ATOH8: variants seen among roughly 807,000 people sequenced by gnomAD.
ATOH8 encodes transcription factor ATOH8.
In ATOH8, 9 loss-of-function variants were observed where a neutral mutation model predicts 21.2. The ratio of observed to expected loss-of-function variants is 0.42; its 90% confidence interval spans 0.26 to 0.74. The LOEUF (loss-of-function observed/expected upper bound fraction) is 0.74, where lower values mean the gene tolerates loss of function less well. ATOH8 is among the 30% of genes least tolerant of loss of function. The pLI, the probability that ATOH8 is intolerant of heterozygous loss-of-function variation, is 0.24. For synonymous variants in ATOH8, 253 were observed against 224.0 expected, an observed-to-expected ratio of 1.13 and a Z score of -1.16; for missense variants, 524 against 470.9, an observed-to-expected ratio of 1.11 and a Z score of -1.04.
chr2:85,764,048 TG>T lies in ATOH8; in HGVS notation c.827del (p.Cys276LeufsTer178). ...CAAACTGGCCATCCTGAGGATCGCC[TG>T]TAACTACATCCTGTCCCTGGCGCGG... ...LSKLAILRIACNYILSLARLA... is the reference protein window; with the variant it reads ...LSKLAILRIAXNYILSLARLA... On this transcript the variant is annotated frameshift_variant, in exon 2 of 3. Coordinates refer to ENST00000306279, the MANE Select transcript of ATOH8 (RefSeq NM_032827.7). LOFTEE classifies it high-confidence loss of function. The T allele has an allele frequency of 6.2e-7, 1 of 1,614,204 alleles. No homozygotes were observed.
intron 2 of ATOH8, among the ~76,000 whole-genome samples, chr2:85,776,753 T>TGGCAG (rs1160464257): frequency 6.6e-6 from 1 of 152,022 alleles, no homozygotes; most frequent in Non-Finnish European, 1.5e-5. Context: ...GGACCCTCAG[T>TGGCAG]GGCAGGGCAG....
Position 85,779,822 on chromosome 2 carries a change from C to T in ATOH8, c.961-7063C>T, listed in dbSNP as rs140447758. Among the ~76,000 whole-genome samples the T allele has an allele frequency of 4.6e-3, 700 of 152,310 alleles. 7 individuals carry two copies. The highest frequency in any genetic ancestry group is 0.015 in the African/African-American group (644 of 41,550). On this transcript the variant is annotated intron_variant, in intron 2 of 2. Transcript: ENST00000306279. ...ACAACGCATGCAAACAAGTGTGGCA[C>T]GGTGCCTGGCAAGGAGCCGCCCTCC...
rs1680591029 is a variant in ATOH8, at chr2:85,785,117, C to T, written c.961-1768C>T. ...CTGCCCTGACCGCCTTTACAGCATG[C>T]CCAGGAGGACGGCTCCAGCCAACCC... is the stretch of plus-strand genomic sequence containing the variant. On this transcript the variant is annotated intron_variant, in intron 2 of 2. Coordinates refer to ENST00000306279, the MANE Select transcript of ATOH8 (RefSeq NM_032827.7). This position sits in a 1 kb window ranked among gnomAD's most constrained non-coding sequence, Gnocchi z 4.1. Among the ~76,000 whole-genome samples the T allele has an allele frequency of 6.6e-6, 1 of 152,236 alleles. No individual in the cohort carries two copies. Among genetic ancestry groups the T allele is most frequent in the South Asian group, 2.1e-4 (1 of 4,828 alleles).
chr2:85,758,495 G>T (rs968925411), intron 1 of ATOH8, among the ~76,000 whole-genome samples: 6 of 152,238 alleles, frequency 3.9e-5, no homozygotes, highest in Non-Finnish European at 8.8e-5. Flanking sequence ...CGGAGCTTGG[G>T]TTGGGCTCCC....
chr2:85,756,070 G>A (rs1679684910), intron 1 of ATOH8, among the ~76,000 whole-genome samples: 1 of 151,912 alleles, frequency 6.6e-6, no homozygotes. Flanking sequence ...TGGGGCAGTA[G>A]TGCCTGTGTC....
intron 2 of ATOH8, among the ~76,000 whole-genome samples, chr2:85,776,986 C>T (rs941202706): frequency 1.1e-4 from 17 of 152,130 alleles, no homozygotes; most frequent in African/African-American, 3.9e-4. Flanking sequence ...CCCCTCCACA[C>T]GCACACACAG....
Position 85,754,749 on chromosome 2 carries a change from C to A in ATOH8, c.560C>A (p.Pro187His), listed in dbSNP as rs768401161. Residue 187 changes from proline to histidine, a missense_variant, in exon 1 of 3, where the codon CCC becomes CAC. Transcript: ENST00000306279. Reference sequence around the variant, plus strand: ...GTGCGCCCTGCGCCCCCGACGCGCCCCGGGGAAAGTTCCTACTCGTCAATT... The same window carrying A: ...GTGCGCCCTGCGCCCCCGACGCGCCACGGGGAAAGTTCCTACTCGTCAATT... ...STVRPAPPTR[P>H]GESSYSSISH... 2 of 1,612,830 alleles carry A rather than the reference C, an allele frequency of 1.2e-6. No individual in the cohort carries two copies. The highest frequency in any genetic ancestry group is 1.1e-5 in the South Asian group (1 of 91,086).
chr2:85,754,091 G>C lies in ATOH8; in HGVS notation c.-99G>C, dbSNP rs1163376991. ...AGGGGGAGAAAGGGAGAGAGGGAGG[G>C]GGAGGGCGGGCGAAGCGGGAGAGCC... On this transcript the variant is annotated 5_prime_UTR_variant, in exon 1 of 3. Coordinates refer to ENST00000306279, the MANE Select transcript of ATOH8 (RefSeq NM_032827.7). 3.8e-6 allele frequency: 5 copies of C among 1,327,782 alleles called. No individual in the cohort carries two copies. The South Asian group carries it at 5.2e-5, about 14-fold the overall frequency. The allele number at this position is 1,327,782 out of a possible 1,614,324, so 82.3% of individuals were successfully genotyped here.
intron 2 of ATOH8, chr2:85,772,688 A>G (rs760287934): frequency 2.0e-5 from 9 of 456,486 alleles, no homozygotes; most frequent in South Asian, 1.2e-4. Context: ...ACCGTGCAAA[A>G]GGTTCTTTGT....
chr2:85,772,913 C>T, intron 2 of ATOH8: 1 of 426,678 alleles, frequency 2.3e-6, no homozygotes, highest in Non-Finnish European at 4.6e-6. Flanking sequence ...CATTAGTGCT[C>T]CTGACACTGC....
At chr2:85,769,253 C>T (rs1254011293) in intron 2 of ATOH8, among the ~76,000 whole-genome samples, 1 of 152,218 alleles carries the variant, frequency 6.6e-6, no homozygotes, top group Non-Finnish European at 1.5e-5. Flanking sequence ...TGTTTTGAGC[C>T]CTGGCAATAA....
Position 85,754,632 on chromosome 2 carries a change from C to G in ATOH8, c.443C>G (p.Pro148Arg). The G allele has an allele frequency of 2.0e-6, 3 of 1,509,444 alleles. No homozygotes were observed. Among genetic ancestry groups the G allele is most frequent in the Non-Finnish European group, 2.6e-6 (3 of 1,134,082 alleles). 93.5% of individuals were successfully genotyped at this position (1,509,444 alleles called of 1,614,324 possible). A position where few individuals can be genotyped will look rare whatever the true frequency, so the allele number is the denominator to read the frequency against. The change falls in exon 1 of 3, where the codon CCG (proline) becomes CGG (arginine). Residue 148 changes from proline (P) to arginine (R), a missense_variant. Physicochemically the swap from Pro to Arg is moderately radical, Grantham distance 103 (BLOSUM62 -2). Coordinates refer to ENST00000306279, the MANE Select transcript of ATOH8 (RefSeq NM_032827.7). ...CCAGAGGCACAGCCTTTCCGGGAGC[C>G]GGGTCTGCGTCCTCGCATCTTGCTG... Reference protein sequence around the residue: ...GGPEAQPFREPGLRPRILLCA... With the variant: ...GGPEAQPFRERGLRPRILLCA...
intron 1 of ATOH8, among the ~76,000 whole-genome samples, chr2:85,762,685 T>A (rs1309579069): frequency 6.6e-6 from 1 of 152,138 alleles, no homozygotes; most frequent in African/African-American, 2.4e-5. Context: ...GGCGATGTGT[T>A]TAGGGTCCCC....
chr2:85,754,855 C>A lies in ATOH8; in HGVS notation c.666C>A (p.Ser222=), dbSNP rs201179036. 1 of 1,612,418 alleles carries A rather than the reference C, an allele frequency of 6.2e-7. No individual in the cohort carries two copies. The highest frequency in any genetic ancestry group is 8.5e-7 in the Non-Finnish European group (1 of 1,179,904). ...KRPGEATAAS[S]EIKALQQTRR... ...CGGGCGAAGCGACTGCCGCCTCCTC[C>A]GAGATCAAAGCCCTGCAGCAGACCC... The change falls in exon 1 of 3, where the codon TCC becomes TCA. Residue 222 remains serine, a synonymous_variant. Coordinates refer to ENST00000306279, the MANE Select transcript of ATOH8 (RefSeq NM_032827.7).
Position 85,767,924 on chromosome 2 carries a change from C to T in ATOH8, c.960+3742C>T, listed in dbSNP as rs558702372. ...GCCTTCCATCCAGACCTGCTTTGCC[C>T]TCTCTGGGTCAGGAGGTGGGTTCAT... On this transcript the variant is annotated intron_variant, in intron 2 of 2. Transcript: ENST00000306279. 1.8e-4 allele frequency among the ~76,000 whole-genome samples: 27 copies of T among 152,304 alleles called. No homozygotes were observed. The South Asian group carries it at 5.2e-3, about 29-fold the overall frequency.
At chr2:85,761,591 C>T (rs544151073) in intron 1 of ATOH8, among the ~76,000 whole-genome samples, 11 of 152,288 alleles carry the variant, frequency 7.2e-5, no homozygotes, top group African/African-American at 2.2e-4. Context: ...CCAGCTGTTA[C>T]GGGCCATGGG....
chr2:85,780,168 T>C (rs1421674515), intron 2 of ATOH8, among the ~76,000 whole-genome samples: 1 of 152,148 alleles, frequency 6.6e-6, no homozygotes, highest in East Asian at 1.9e-4. Flanking sequence ...CCTGCACTTG[T>C]GGAACCTACA....
At chr2:85,786,780 G>C in intron 2 of ATOH8, 105 bp from the exon 3 acceptor site, 1 of 1,552,390 alleles carries the variant, frequency 6.4e-7, no homozygotes, top group East Asian at 2.3e-5. Flanking sequence ...TCAAGGTGGG[G>C]GCCCCTCTGC....
rs1213472258 is a variant in ATOH8 at position 85,754,774 on chromosome 2, T to A, written c.585T>A (p.Ile195=). The A allele has an allele frequency of 6.2e-7, 1 of 1,612,734 alleles. No individual in the cohort carries two copies. The highest frequency in any genetic ancestry group is 1.1e-5 in the South Asian group (1 of 91,086). Residue 195 remains isoleucine (I), a synonymous_variant, in exon 1 of 3, where the codon ATT becomes ATA. Transcript: ENST00000306279. ...CCGGGGAAAGTTCCTACTCGTCAATTTCACACGTAATTTACAATAACCACC... is the reference window on the plus strand; with the variant it reads ...CCGGGGAAAGTTCCTACTCGTCAATATCACACGTAATTTACAATAACCACC... ...TRPGESSYSS[I]SHVIYNNHQD...
Sources: gnomAD v4.1 joint callset for allele counts (sites outside exome capture counted in the v4.1 genomes callset) on GRCh38, gnomAD v4.1.1 for gene constraint, Gnocchi (gnomAD v3.1) non-coding constraint, MANE v1.5 for transcripts, NCBI Gene and HGNC (gene_info 2026-07-23, HGNC 2026-07-21) for gene names.